The following MIEF1 variants were observed in gnomAD, a reference collection of about 807,000 sequenced individuals.
MIEF1 encodes mitochondrial elongation factor 1, also known as mitochondrial dynamics protein MIEF1.
A neutral mutation model predicts 35.1 loss-of-function variants in MIEF1; 14 were observed. The observed-to-expected ratio is 0.40, with a 90% CI of 0.26 to 0.62. MIEF1 has a LOEUF of 0.62. Ranked by LOEUF, MIEF1 falls within the 20% of genes least tolerant of loss-of-function variation. The probability of loss-of-function intolerance (pLI) is 0.43; values close to 1 mark genes in which losing one functional copy is unlikely to be tolerated. For missense variants in MIEF1, 542 were observed against 615.4 expected (o/e 0.88, Z 1.26); for synonymous variants, 245 against 254.3 (o/e 0.96, Z 0.35).
Position 39,517,787 on chromosome 22 carries a change from G to C in MIEF1, c.*3464G>C, listed in dbSNP as rs1263777032. On this transcript the variant is annotated 3_prime_UTR_variant, in exon 6 of 6. Transcript: ENST00000325301. Reference sequence around the variant, plus strand: ...AGATGCCACTTACTGTAAGTGGCCAGAATACCAGAGAGGTGGGTTCCATGG... The same window carrying C: ...AGATGCCACTTACTGTAAGTGGCCACAATACCAGAGAGGTGGGTTCCATGG... 3 of 334,130 alleles carry C rather than the reference G, an allele frequency of 9.0e-6. No individual in the cohort carries two copies. Among genetic ancestry groups the C allele is most frequent in the African/African-American group, 2.2e-5 (1 of 45,896 alleles). The allele number at this position is 334,130 out of a possible 1,614,324, so 20.7% of individuals were successfully genotyped here. A position where few individuals can be genotyped will look rare whatever the true frequency, so the allele number is the denominator to read the frequency against.
intron 2 of MIEF1, among the ~76,000 whole-genome samples, chr22:39,506,357 C>G (rs1363619576): frequency 6.6e-6 from 1 of 152,056 alleles, no homozygotes; most frequent in East Asian, 1.9e-4. Flanking sequence ...ACCTAGGACC[C>G]CTGTAGATTA....
At position 39,515,818 on chromosome 22, in the gene MIEF1, A is replaced by C. The variant is rs1263732854; in HGVS notation, c.*1495A>C. 1 of 160,558 alleles carries C rather than the reference A, an allele frequency of 6.2e-6. No individual in the cohort carries two copies. The highest frequency in any genetic ancestry group is 1.4e-5 in the Non-Finnish European group (1 of 72,686). 9.9% of individuals were successfully genotyped at this position (160,558 alleles called of 1,614,324 possible). ...TTCCGTCAAGTTGTCTTATTTTTTC[A>C]ATGACTACCTCTCCATCATTGAGGT... On this transcript the variant is annotated 3_prime_UTR_variant, in exon 6 of 6. Coordinates refer to ENST00000325301, the MANE Select transcript of MIEF1 (RefSeq NM_019008.6).
In MIEF1 at chr22:39,515,713, G is replaced by T; in HGVS notation, c.*1390G>T. 1 of 235,834 alleles carries T rather than the reference G, an allele frequency of 4.2e-6. No homozygotes were observed. Among genetic ancestry groups the T allele is most frequent in the Non-Finnish European group, 8.3e-6 (1 of 120,828 alleles). The allele number at this position is 235,834 out of a possible 1,614,324, so 14.6% of individuals were successfully genotyped here. A position where few individuals can be genotyped will look rare whatever the true frequency, so the allele number is the denominator to read the frequency against. The stretch of plus-strand genomic sequence containing the variant: ...ATCTACCATGTCCGTGTGTCATCTT[G>T]GTTTGTGTTTTTCCCTGTTTGTAGC... On this transcript the variant is annotated 3_prime_UTR_variant, in exon 6 of 6. Coordinates refer to ENST00000325301, the MANE Select transcript of MIEF1 (RefSeq NM_019008.6).
At chr22:39,506,268 G>A (rs529602142) in intron 2 of MIEF1, among the ~76,000 whole-genome samples, 1 of 152,278 alleles carries the variant, frequency 6.6e-6, no homozygotes, top group African/African-American at 2.4e-5. Context: ...ATGCAGCAGT[G>A]AATGAGCCCA....
intron 2 of MIEF1, among the ~76,000 whole-genome samples, chr22:39,509,915 C>T (rs1420313317): frequency 6.6e-6 from 1 of 152,146 alleles, no homozygotes; most frequent in Non-Finnish European, 1.5e-5. Context: ...GAAAAAGCGT[C>T]ATACAAGGAG....
In MIEF1 at chr22:39,513,556, G is replaced by C; in HGVS notation, c.625G>C (p.Val209Leu). The C allele has an allele frequency of 6.2e-7, 1 of 1,614,140 alleles. No individual in the cohort carries two copies. The highest frequency in any genetic ancestry group is 1.1e-5 in the South Asian group (1 of 91,090). Residue 209 changes from valine (V) to leucine (L), a missense_variant, in exon 6 of 6, where the codon GTG becomes CTG. Physicochemically the swap from Val to Leu is conservative, Grantham distance 32. Transcript: ENST00000325301. Reference sequence around the variant, plus strand: ...CCACATCCAACTCATTGTGCCCCTTGTGCTGGAGCAGAACCTGTGGTCATG... The same window carrying C: ...CCACATCCAACTCATTGTGCCCCTTCTGCTGGAGCAGAACCTGTGGTCATG... Reference protein sequence around the residue: ...ADHIQLIVPLVLEQNLWSCIP... With the variant: ...ADHIQLIVPLLLEQNLWSCIP...
At chr22:39,502,627 A>G (rs983846548) in intron 1 of MIEF1, among the ~76,000 whole-genome samples, 190 bp downstream of exon 1, 2 of 152,098 alleles carry the variant, frequency 1.3e-5, no homozygotes, top group South Asian at 2.1e-4. Context: ...CCCCGCCCCA[A>G]CCTCGGAGAC....
chr22:39,512,097 T>G, intron 4 of MIEF1, 71 bp downstream of exon 4: 3 of 1,565,278 alleles, frequency 1.9e-6, no homozygotes, highest in South Asian at 2.4e-5. Context: ...CAGCAGATGT[T>G]TCCTGAGCAC....
chr22:39,510,415 G>A (rs1219258531), intron 2 of MIEF1, among the ~76,000 whole-genome samples: 1 of 152,282 alleles, frequency 6.6e-6, no homozygotes, highest in Admixed American at 6.5e-5. Context: ...CTACAGGCAT[G>A]TGCCACCATG....
intron 1 of MIEF1, among the ~76,000 whole-genome samples, chr22:39,502,696 C>T (rs1403493845): frequency 6.6e-6 from 1 of 152,256 alleles, no homozygotes; most frequent in Non-Finnish European, 1.5e-5. Context: ...CCGGCCCGGC[C>T]CCCACGGTTG....
chr22:39,511,335 A>C lies in MIEF1; in HGVS notation c.41A>C (p.Asn14Thr). 1 of 1,613,968 alleles carries C rather than the reference A, an allele frequency of 6.2e-7. No homozygotes were observed. Among genetic ancestry groups the C allele is most frequent in the Non-Finnish European group, 8.5e-7 (1 of 1,179,948 alleles). ...AGERKGKKDD[N>T]GIGTAIDFVL... is the part of the protein sequence containing the mutation. ...GAGCGCAAAGGCAAGAAGGATGACA[A>C]TGGCATTGGCACGGCCATTGACTTT... The change falls in exon 3 of 6, where the codon AAT (asparagine) becomes ACT (threonine). Residue 14 changes from asparagine (N) to threonine (T), a missense_variant. Transcript: ENST00000325301.
chr22:39,512,061 T>C, intron 4 of MIEF1, 35 bp downstream of exon 4: 1 of 1,597,774 alleles, frequency 6.3e-7, no homozygotes, highest in African/African-American at 1.3e-5. Context: ...GGGACCTCTC[T>C]GGACTTTCAG....
At chr22:39,508,509 G>A (rs927678141) in intron 2 of MIEF1, among the ~76,000 whole-genome samples, 1 of 152,252 alleles carries the variant, frequency 6.6e-6, no homozygotes, top group African/African-American at 2.4e-5. Context: ...ACATTGTTAT[G>A]TGTGGGGAAA....
In MIEF1 at chr22:39,515,504, C is replaced by T. The variant is rs936471437; in HGVS notation, c.*1181C>T. 6 of 616,582 alleles carry T rather than the reference C, an allele frequency of 9.7e-6. No individual in the cohort carries two copies. Among genetic ancestry groups the T allele is most frequent in the Non-Finnish European group, 1.8e-5 (6 of 341,912 alleles). The allele number at this position is 616,582 out of a possible 1,614,324, so 38.2% of individuals were successfully genotyped here. A position where few individuals can be genotyped will look rare whatever the true frequency, so the allele number is the denominator to read the frequency against. On this transcript the variant is annotated 3_prime_UTR_variant, in exon 6 of 6. Transcript: ENST00000325301. ...AGAGGGCAAGTGAGCATGCACGGAC[C>T]TCTTCCCCCTGTCCTGTTTCTCACC...
Position 39,512,443 on chromosome 22 carries a change from C to A in MIEF1, c.534C>A (p.Asp178Glu), listed in dbSNP as rs748626701. 1 of 1,614,098 alleles carries A rather than the reference C, an allele frequency of 6.2e-7. No individual in the cohort carries two copies. The highest frequency in any genetic ancestry group is 1.1e-5 in the South Asian group (1 of 91,080). ...LRSFLRAKLP[D>E]MPLRDMYLSG... ...GCTTCCTGCGGGCCAAGTTGCCTGA[C>A]ATGCCGCTTCGGGACATGTACTTGA... is the stretch of plus-strand genomic sequence containing the variant. Residue 178 changes from aspartate to glutamate, a missense_variant, in exon 5 of 6, where the codon GAC (aspartate) becomes GAA (glutamate). Physicochemically the swap from Asp to Glu is conservative, Grantham distance 45. Coordinates refer to ENST00000325301, the MANE Select transcript of MIEF1 (RefSeq NM_019008.6).
chr22:39,510,768 A>C (rs1930287272), intron 2 of MIEF1, among the ~76,000 whole-genome samples: 1 of 152,036 alleles, frequency 6.6e-6, no homozygotes, highest in Non-Finnish European at 1.5e-5. Flanking sequence ...AACCTCTGTG[A>C]AGGGGTAGAG....
At position 39,517,729 on chromosome 22, in the gene MIEF1, C is replaced by G; in HGVS notation, c.*3406C>G. On this transcript the variant is annotated 3_prime_UTR_variant, in exon 6 of 6. Coordinates refer to ENST00000325301, the MANE Select transcript of MIEF1 (RefSeq NM_019008.6). ...ATAGGAGACTTAGGACAGAGCTGAC[C>G]CTTGCACCAGGCTGGGAGGCTGCAG... is the stretch of plus-strand genomic sequence containing the variant. 5.0e-6 allele frequency: 2 copies of G among 403,074 alleles called. No homozygotes were observed. Among genetic ancestry groups the G allele is most frequent in the East Asian group, 7.6e-5 (1 of 13,236 alleles). The allele number at this position is 403,074 out of a possible 1,614,324, so 25.0% of individuals were successfully genotyped here. A position where few individuals can be genotyped will look rare whatever the true frequency, so the allele number is the denominator to read the frequency against.
chr22:39,511,960 G>C lies in MIEF1; in HGVS notation c.256G>C (p.Asp86His). 1 of 1,614,190 alleles carries C rather than the reference G, an allele frequency of 6.2e-7. No individual in the cohort carries two copies. The highest frequency in any genetic ancestry group is 8.5e-7 in the Non-Finnish European group (1 of 1,180,046). Reference sequence around the variant, plus strand: ...GGGCTCCCCACGACTGCTGAACAGGGACATGAAGACGGGCCTGAGCCGGTC... The same window carrying C: ...GGGCTCCCCACGACTGCTGAACAGGCACATGAAGACGGGCCTGAGCCGGTC... ...WMGSPRLLNR[D>H]MKTGLSRSLQ... is the part of the protein sequence containing the mutation. Residue 86 changes from aspartate (D) to histidine (H), a missense_variant, in exon 4 of 6, where the codon GAC (aspartate) becomes CAC (histidine). Transcript: ENST00000325301.
In MIEF1 at chr22:39,517,031, G is replaced by A. The variant is rs1930705357; in HGVS notation, c.*2708G>A. 1 of 152,720 alleles carries A rather than the reference G, an allele frequency of 6.5e-6. No homozygotes were observed. The highest frequency in any genetic ancestry group is 1.5e-5 in the Non-Finnish European group (1 of 68,436). 9.5% of individuals were successfully genotyped at this position (152,720 alleles called of 1,614,324 possible). A position where few individuals can be genotyped will look rare whatever the true frequency, so the allele number is the denominator to read the frequency against. ...ATAGGCAATTGCTTTGAGATTCTTG[G>A]ATAGAAGAGGACAACATTCTGCACC... On this transcript the variant is annotated 3_prime_UTR_variant, in exon 6 of 6. Transcript: ENST00000325301.
Sources: gnomAD v4.1 joint callset for allele counts (sites outside exome capture counted in the v4.1 genomes callset) on GRCh38, gnomAD v4.1.1 for gene constraint, MANE v1.5 for transcripts, NCBI Gene and HGNC (gene_info 2026-07-23, HGNC 2026-07-21) for gene names.